The following SGCG variants were observed in gnomAD, a reference collection of about 807,000 sequenced individuals.
SGCG encodes sarcoglycan gamma, also known as gamma-sarcoglycan.
SGCG carries 26 observed loss-of-function variants against 29.3 expected under a neutral mutation model. That is an observed-to-expected ratio of 0.89 (90% CI 0.65 to 1.23). The LOEUF is 1.23. Ranked by LOEUF, SGCG falls within the 50% of genes most tolerant of loss-of-function variation. SGCG has a pLI of 0.00. For missense variants in SGCG, 353 were observed against 356.0 expected (o/e 0.99, Z 0.07); for synonymous variants, 145 against 129.7 (o/e 1.12, Z -0.80).
At chr13:23,188,869 C>T (rs35616348) in intron 1 of SGCG, among the ~76,000 whole-genome samples, 43,445 of 152,048 alleles carry the variant, frequency 0.29, 7,337 homozygotes, top group Admixed American at 0.4. Context: ...GGTGCCACGC[C>T]AATCTACAGG....
intron 1 of SGCG, among the ~76,000 whole-genome samples, chr13:23,181,687 T>C (rs1201905770): frequency 6.6e-6 from 1 of 152,122 alleles, no homozygotes; most frequent in Non-Finnish European, 1.5e-5. Context: ...AAAATAAACA[T>C]AAGTGGGGTA....
intron 6 of SGCG, among the ~76,000 whole-genome samples, chr13:23,310,078 CTTTTTTTTTTT>C (rs144258130): frequency 4.9e-5 from 3 of 60,780 alleles, no homozygotes; most frequent in Non-Finnish European, 5.6e-5. Flanking sequence ...TTGTTTTTCT[CTTTTTTTTTTT>C]TTTTTTTTTT....
At chr13:23,216,140 T>C (rs1406107736) in intron 2 of SGCG, among the ~76,000 whole-genome samples, 1 of 152,158 alleles carries the variant, frequency 6.6e-6, no homozygotes, top group Non-Finnish European at 1.5e-5. Context: ...CCCTTCCAGC[T>C]TGACCTAGTG....
At chr13:23,232,781 CA>C (rs922391533) in intron 2 of SGCG, among the ~76,000 whole-genome samples, 33 of 151,506 alleles carry the variant, frequency 2.2e-4, no homozygotes, top group African/African-American at 7.7e-4. Flanking sequence ...GACTCCATCT[CA>C]AAAAAAAGAC....
chr13:23,229,344 A>G (rs7987574), intron 2 of SGCG, among the ~76,000 whole-genome samples: 18,238 of 152,162 alleles, frequency 0.12, 1,414 homozygotes, highest in East Asian at 0.29. Flanking sequence ...GCTGAATGTT[A>G]GTTCTGTTTT....
rs191857972 is a variant in SGCG at position 23,209,173 on chromosome 13, C to A, written c.195+5284C>A. ...AAATGTTATCATTAAGCTTATAATT[C>A]TATAAAATACTTCGTTGATAAGTAT... On this transcript the variant is annotated intron_variant, in intron 2 of 7. Coordinates refer to ENST00000218867, the MANE Select transcript of SGCG (RefSeq NM_000231.3). Among the ~76,000 whole-genome samples, 603 of 152,130 alleles carry A rather than the reference C, an allele frequency of 4.0e-3. 10 individuals carry two copies. Among genetic ancestry groups the A allele is most frequent in the Non-Finnish European group, 2.7e-3 (185 of 67,938 alleles).
chr13:23,179,953 G>T (rs1876675541), upstream of SGCG, among the ~76,000 whole-genome samples: 1 of 152,044 alleles, frequency 6.6e-6, no homozygotes, highest in Non-Finnish European at 1.5e-5. Context: ...ACCAGGATTT[G>T]ATGTACAAAT....
intron 4 of SGCG, among the ~76,000 whole-genome samples, chr13:23,266,416 A>T (rs1422321745): frequency 1.3e-5 from 2 of 152,176 alleles, no homozygotes; most frequent in African/African-American, 2.4e-5. Context: ...ATTGGAGGCC[A>T]TTATTTTATG....
chr13:23,277,693 C>A (rs952666078), intron 4 of SGCG, among the ~76,000 whole-genome samples: 47 of 148,332 alleles, frequency 3.2e-4, no homozygotes, highest in Non-Finnish European at 1.5e-4. Flanking sequence ...ATTTTCTCAA[C>A]TTCCTTTTTT....
intron 6 of SGCG, among the ~76,000 whole-genome samples, chr13:23,314,846 G>T (rs150818143): frequency 6.6e-6 from 1 of 152,150 alleles, no homozygotes; most frequent in Non-Finnish European, 1.5e-5. Flanking sequence ...CCAAGAAAAC[G>T]GCACAATGCC....
intron 5 of SGCG, among the ~76,000 whole-genome samples, chr13:23,286,163 T>C (rs1881488103): frequency 6.6e-6 from 1 of 152,186 alleles, no homozygotes; most frequent in Non-Finnish European, 1.5e-5. Context: ...AAATGAATAT[T>C]TCACCTCTCA....
chr13:23,164,635 T>C, the SGCG span, among the ~76,000 whole-genome samples: 2 of 152,090 alleles, frequency 1.3e-5, no homozygotes, highest in African/African-American at 4.8e-5. Context: ...AGAAGGGAAA[T>C]AGGAACTGGC....
intron 3 of SGCG, among the ~76,000 whole-genome samples, chr13:23,249,899 T>TGCA (rs142197778): frequency 0.035 from 5,342 of 152,284 alleles, 203 homozygotes; most frequent in East Asian, 0.2. Context: ...TTAAAGTAGC[T>TGCA]TGCAGTGGGG....
chr13:23,249,910 A>G (rs1262057986), intron 3 of SGCG, among the ~76,000 whole-genome samples: 1 of 152,110 alleles, frequency 6.6e-6, no homozygotes, highest in Non-Finnish European at 1.5e-5. Context: ...TGCAGTGGGG[A>G]AAAAAGTAAA....
chr13:23,304,955 ACGTGCTCACAGGCT>A (rs1211333527), intron 6 of SGCG, among the ~76,000 whole-genome samples: 4 of 126,278 alleles, frequency 3.2e-5, no homozygotes, highest in African/African-American at 8.1e-5. Context: ...ACATGCGTGC[ACGTGCTCACAGGCT>A]TGCACGTGCT....
At chr13:23,192,764 G>A (rs1186610748) in intron 1 of SGCG, among the ~76,000 whole-genome samples, 1 of 152,194 alleles carries the variant, frequency 6.6e-6, no homozygotes, top group African/African-American at 2.4e-5. Flanking sequence ...AATAATTTAG[G>A]TCTTTAATTG....
intron 2 of SGCG, among the ~76,000 whole-genome samples, chr13:23,224,665 T>TACACACATACACACACACACACAC (rs1878821975): frequency 7.0e-6 from 1 of 142,028 alleles, no homozygotes; most frequent in Non-Finnish European, 1.6e-5. Context: ...AGGGCACACA[T>TACACACATACACACACACACACAC]ACACACACAC....
the SGCG span, among the ~76,000 whole-genome samples, chr13:23,168,855 A>G: frequency 1.3e-5 from 2 of 152,112 alleles, no homozygotes; most frequent in South Asian, 2.1e-4. Context: ...TAAGATGCCC[A>G]TTTTTCTCAC....
At chr13:23,188,112 G>A (rs1035181653) in intron 1 of SGCG, among the ~76,000 whole-genome samples, 1 of 152,060 alleles carries the variant, frequency 6.6e-6, no homozygotes, top group Admixed American at 6.5e-5. Context: ...TTTTTCCAAG[G>A]CCAGAACCTG....
Sources: gnomAD v4.1 joint callset for allele counts (sites outside exome capture counted in the v4.1 genomes callset) on GRCh38, gnomAD v4.1.1 for gene constraint, MANE v1.5 for transcripts, NCBI Gene and HGNC (gene_info 2026-07-23, HGNC 2026-07-21) for gene names.